Variants in NEGR1 observed in about 807,000 individuals in gnomAD.
The protein encoded by NEGR1 is IgLON family member 4.
In NEGR1, 10 loss-of-function variants were observed where a neutral mutation model predicts 40.9. That is an observed-to-expected ratio of 0.24 (90% CI 0.15 to 0.42). NEGR1 has a LOEUF of 0.42. Among genes scored for constraint, NEGR1 ranks in the 10% least tolerant of loss-of-function variants. The pLI is 1.00. For synonymous variants in NEGR1, 185 were observed against 166.8 expected, an observed-to-expected ratio of 1.11 and a Z score of -0.84; for missense variants, 352 against 438.9, an observed-to-expected ratio of 0.80 and a Z score of 1.77.
intron 4 of NEGR1, among the ~76,000 whole-genome samples, chr1:71,646,220 A>ACG (rs1376968680): frequency 6.6e-6 from 1 of 151,288 alleles, no homozygotes; most frequent in African/African-American, 2.4e-5. Context: ...ATATACATAA[A>ACG]CACATATATA....
chr1:72,182,982 A>G (rs948326808), intron 1 of NEGR1, among the ~76,000 whole-genome samples: 1 of 152,084 alleles, frequency 6.6e-6, no homozygotes, highest in African/African-American at 2.4e-5. Context: ...GGTGACATGA[A>G]GAAGTCATTC....
intron 6 of NEGR1, chr1:71,461,807 A>G (rs1225018151): frequency 6.6e-6 from 1 of 152,204 alleles, no homozygotes; most frequent in African/African-American, 2.4e-5. Flanking sequence ...GGTTGAGAGA[A>G]TACAGCCAAG....
chr1:71,914,773 G>C (rs916378239), intron 2 of NEGR1, among the ~76,000 whole-genome samples: 2 of 152,130 alleles, frequency 1.3e-5, no homozygotes, highest in Non-Finnish European at 1.5e-5. Context: ...CACTGTCTCT[G>C]TCTCTGTCTC....
intron 1 of NEGR1, among the ~76,000 whole-genome samples, chr1:72,020,686 C>T (rs758367223): frequency 4.6e-5 from 7 of 152,040 alleles, no homozygotes; most frequent in Non-Finnish European, 8.8e-5. Context: ...CCAAAACAGA[C>T]GACTACAACA....
chr1:72,141,933 A>G (rs984720641), intron 1 of NEGR1, among the ~76,000 whole-genome samples: 1 of 151,534 alleles, frequency 6.6e-6, no homozygotes, highest in African/African-American at 2.4e-5. Context: ...GGTAATAATT[A>G]ACAATTTATA....
intron 1 of NEGR1, among the ~76,000 whole-genome samples, chr1:71,965,752 A>T (rs2100305293): frequency 6.6e-6 from 1 of 152,306 alleles, no homozygotes; most frequent in South Asian, 2.1e-4. Flanking sequence ...AGAAAGTTAC[A>T]ATTAGGAAAT....
At chr1:71,899,263 G>T (rs1225080027) in intron 2 of NEGR1, among the ~76,000 whole-genome samples, 8 of 152,054 alleles carry the variant, frequency 5.3e-5, no homozygotes, top group African/African-American at 1.9e-4. Context: ...AGATTTAGAA[G>T]CTGAGAAAGA....
chr1:72,269,239 T>C (rs764903008), intron 1 of NEGR1, among the ~76,000 whole-genome samples: 1 of 151,610 alleles, frequency 6.6e-6, no homozygotes, highest in Non-Finnish European at 1.5e-5. Context: ...TACAAGGAAC[T>C]TTTATAGGTC....
intron 6 of NEGR1, among the ~76,000 whole-genome samples, chr1:71,532,187 C>T (rs965529606): frequency 7.3e-5 from 11 of 151,432 alleles, no homozygotes; most frequent in East Asian, 2.0e-4. Context: ...TCCTATATAA[C>T]GAGAAAAAGG....
intron 1 of NEGR1, among the ~76,000 whole-genome samples, chr1:72,187,875 T>G (rs746622343): frequency 4.0e-5 from 6 of 151,412 alleles, no homozygotes; most frequent in Non-Finnish European, 8.9e-5. Flanking sequence ...ACTATTCAAA[T>G]TCAGGCATGT....
intron 2 of NEGR1, among the ~76,000 whole-genome samples, chr1:71,907,245 C>T (rs1258048898): frequency 6.6e-6 from 1 of 152,066 alleles, no homozygotes; most frequent in East Asian, 1.9e-4. Flanking sequence ...TACTGTATTT[C>T]CATAGTGGTT....
At chr1:71,929,289 T>C (rs184051889) in intron 2 of NEGR1, among the ~76,000 whole-genome samples, 1 of 152,306 alleles carries the variant, frequency 6.6e-6, no homozygotes. Flanking sequence ...TGAAGGTGCA[T>C]TCCTTAAAGA....
At chr1:72,212,504 T>C (rs1236164929) in intron 1 of NEGR1, among the ~76,000 whole-genome samples, 1 of 151,986 alleles carries the variant, frequency 6.6e-6, no homozygotes, top group African/African-American at 2.4e-5. Flanking sequence ...CAAGATTACC[T>C]ATAAAAACAC....
In NEGR1 at chr1:71,402,070, G is replaced by A. The variant is rs988228072; in HGVS notation, c.*5376C>T. On this transcript the variant is annotated 3_prime_UTR_variant, in exon 7 of 7. Transcript: ENST00000357731. ...TAGTTGTCTATGAAGCTAGCAATGT[G>A]ATTATATGCTTTTCTTTTTCCTAGG... 3.9e-5 allele frequency: 6 copies of A among 151,968 alleles called. No individual in the cohort carries two copies. The highest frequency in any genetic ancestry group is 5.9e-5 in the Non-Finnish European group (4 of 67,992). The allele number at this position is 151,968 out of a possible 1,614,324, so 9.4% of individuals were successfully genotyped here.
chr1:72,049,018 G>C (rs2422134), intron 1 of NEGR1, among the ~76,000 whole-genome samples: 65,667 of 151,202 alleles, frequency 0.43, 14,760 homozygotes, highest in Admixed American at 0.49. Context: ...TAGGAAATTT[G>C]GGTGTCCACT....
At chr1:71,457,292 T>C (rs560838018) in intron 6 of NEGR1, among the ~76,000 whole-genome samples, 83 of 152,318 alleles carry the variant, frequency 5.4e-4, no homozygotes, top group African/African-American at 1.9e-3. Context: ...GCTTAAGGGC[T>C]TTCAATGATG....
intron 3 of NEGR1, among the ~76,000 whole-genome samples, chr1:71,730,148 C>T (rs190698176): frequency 2.4e-4 from 37 of 151,398 alleles, no homozygotes; most frequent in Non-Finnish European, 4.9e-4. Context: ...ATACAAACAA[C>T]CTTGAGTCAT....
chr1:71,919,900 T>C (rs1645686947), intron 2 of NEGR1, among the ~76,000 whole-genome samples: 1 of 152,224 alleles, frequency 6.6e-6, no homozygotes, highest in African/African-American at 2.4e-5. Context: ...CTTTGAACTT[T>C]CCATGCAATG....
At chr1:72,044,516 A>G (rs1018158101) in intron 1 of NEGR1, among the ~76,000 whole-genome samples, 2 of 151,844 alleles carry the variant, frequency 1.3e-5, no homozygotes, top group African/African-American at 4.8e-5. Flanking sequence ...TCCTAAATGC[A>G]GAGTTTCATA....
Sources: gnomAD v4.1 joint callset for allele counts (sites outside exome capture counted in the v4.1 genomes callset) on GRCh38, gnomAD v4.1.1 for gene constraint, MANE v1.5 for transcripts, NCBI Gene and HGNC (gene_info 2026-07-23, HGNC 2026-07-21) for gene names.